KIF13A: variants seen among roughly 807,000 people sequenced by gnomAD.
KIF13A encodes the protein kinesin family member 13A.
A neutral mutation model predicts 212.2 loss-of-function variants in KIF13A; 79 were observed. The observed-to-expected ratio is 0.37, with a 90% CI of 0.31 to 0.45. KIF13A has a LOEUF of 0.45. Among genes scored for constraint, KIF13A ranks in the 20% least tolerant of loss-of-function variants. The probability of loss-of-function intolerance (pLI) is 1.00; values close to 1 mark genes in which losing one functional copy is unlikely to be tolerated. For missense variants in KIF13A, 1,901 were observed against 2,209.0 expected, an observed-to-expected ratio of 0.86 and a Z score of 2.79; for synonymous variants, 789 against 808.6, an observed-to-expected ratio of 0.98 and a Z score of 0.41.
intron 18 of KIF13A, among the ~76,000 whole-genome samples, chr6:17,807,054 A>C (rs1452327428): frequency 1.3e-5 from 2 of 152,184 alleles, no homozygotes; most frequent in Admixed American, 1.3e-4. Flanking sequence ...TATCTTTGTA[A>C]GCTGAAGATG....
chr6:17,945,533 T>C (rs1243542959), intron 2 of KIF13A, among the ~76,000 whole-genome samples: 1 of 152,076 alleles, frequency 6.6e-6, no homozygotes, highest in Non-Finnish European at 1.5e-5. Context: ...AAAAAAAAAT[T>C]TTAAGTACCC....
intron 17 of KIF13A, among the ~76,000 whole-genome samples, chr6:17,814,727 T>A (rs1763774720): frequency 6.6e-6 from 1 of 152,168 alleles, no homozygotes; most frequent in Admixed American, 6.5e-5. Context: ...ATACTGCTGC[T>A]GGGATGTTAA....
chr6:17,958,755 G>C (rs747196505), intron 2 of KIF13A, among the ~76,000 whole-genome samples: 1 of 151,332 alleles, frequency 6.6e-6, no homozygotes, highest in Non-Finnish European at 1.5e-5. Flanking sequence ...CTAATCCATT[G>C]TCAAGGTGTT....
chr6:17,931,207 C>T (rs746038630), intron 2 of KIF13A, among the ~76,000 whole-genome samples: 32 of 152,176 alleles, frequency 2.1e-4, no homozygotes, highest in African/African-American at 2.7e-4. Flanking sequence ...TCTAAGGTCA[C>T]GAGAGCTGGA....
At chr6:17,917,689 A>G (rs185912497) in intron 2 of KIF13A, among the ~76,000 whole-genome samples, 7 of 152,360 alleles carry the variant, frequency 4.6e-5, no homozygotes, top group Admixed American at 4.6e-4. Flanking sequence ...AGGGCCTTTA[A>G]TATATCCCCT....
chr6:17,887,385 A>T (rs1771644369), intron 3 of KIF13A, among the ~76,000 whole-genome samples: 1 of 152,224 alleles, frequency 6.6e-6, no homozygotes, highest in African/African-American at 2.4e-5. Context: ...TTCACACACA[A>T]GGCAGTTCCT....
chr6:17,986,837 T>C (rs2150657436), intron 2 of KIF13A, among the ~76,000 whole-genome samples: 1 of 152,152 alleles, frequency 6.6e-6, no homozygotes, highest in East Asian at 1.9e-4. Context: ...ACTGGTGCTG[T>C]GGCCAGGGTG....
At position 17,817,080 on chromosome 6, in the gene KIF13A, T is replaced by C. The variant is rs766587571; in HGVS notation, c.1940A>G (p.Asp647Gly). 6.2e-7 allele frequency: 1 copy of C among 1,613,632 alleles called. No homozygotes were observed. Residue 647 changes from aspartate (D) to glycine (G), a missense_variant, in exon 17 of 39, where the codon GAC (aspartate) becomes GGC (glycine). Physicochemically the swap from Asp to Gly is moderately conservative, Grantham distance 94. Transcript: ENST00000259711. The part of the protein sequence containing the change: ...PDRQPQSSGP[D>G]RLAYSSQTAQ... Reference sequence around the variant, plus strand: ...TGTCTGGCTGCTGTAGGCCAGGCGGTCAGGGCCGCTACTCTGTGGCTGCCT... The same window carrying C: ...TGTCTGGCTGCTGTAGGCCAGGCGGCCAGGGCCGCTACTCTGTGGCTGCCT...
At chr6:17,973,401 G>A (rs542943995) in intron 2 of KIF13A, among the ~76,000 whole-genome samples, 1 of 152,334 alleles carries the variant, frequency 6.6e-6, no homozygotes, top group East Asian at 1.9e-4. Flanking sequence ...TCATGCTGCT[G>A]CTTTATTTCA....
At chr6:17,762,154 C>T (rs1458869000), downstream of KIF13A, among the ~76,000 whole-genome samples, 2 of 152,030 alleles carry the variant, frequency 1.3e-5, no homozygotes, top group Admixed American at 6.6e-5. Flanking sequence ...ATCTTCCCGC[C>T]TCAGCCTCCA....
intron 2 of KIF13A, chr6:17,950,460 A>C (rs897881944): frequency 4.1e-5 from 40 of 983,290 alleles, no homozygotes; most frequent in Non-Finnish European, 4.7e-5. Flanking sequence ...TGTAATTATG[A>C]ATTTCACTGG....
At position 17,898,696 on chromosome 6, in the gene KIF13A, A is replaced by G. The variant is rs1446679575; in HGVS notation, c.147-516T>C. On this transcript the variant is annotated intron_variant, in intron 2 of 38. Transcript: ENST00000259711. The surrounding 1 kb of genome is among the most constrained non-coding windows in gnomAD (Gnocchi z 5.2). ...AAATAACTCATATTTTTTAACACTG[A>G]ATAGACATTTAAAAGCAAGTTTCCA... 6.6e-6 allele frequency among the ~76,000 whole-genome samples: 1 copy of G among 152,162 alleles called. No homozygotes were observed. Among genetic ancestry groups the G allele is most frequent in the Non-Finnish European group, 1.5e-5 (1 of 68,038 alleles).
intron 2 of KIF13A, among the ~76,000 whole-genome samples, chr6:17,976,033 A>C (rs926755417): frequency 1.3e-5 from 2 of 152,120 alleles, no homozygotes; most frequent in Non-Finnish European, 2.9e-5. Flanking sequence ...ACAAACCTTG[A>C]GCTAGATACA....
intron 2 of KIF13A, among the ~76,000 whole-genome samples, chr6:17,906,694 C>T (rs1773535416): frequency 6.6e-6 from 1 of 152,096 alleles, no homozygotes; most frequent in Non-Finnish European, 1.5e-5. Context: ...AAGCAATCCT[C>T]TTGCCTCAGC....
At chr6:17,788,879 C>A (rs554169745) in intron 26 of KIF13A, among the ~76,000 whole-genome samples, 1 of 152,178 alleles carries the variant, frequency 6.6e-6, no homozygotes, top group African/African-American at 2.4e-5. Flanking sequence ...CGCGCGCCAC[C>A]ACGCCCAGCT....
At position 17,849,348 on chromosome 6, in the gene KIF13A, C is replaced by T. The variant is rs1206076619; in HGVS notation, c.830+29G>A. 1 of 1,498,336 alleles carries T rather than the reference C, an allele frequency of 6.7e-7. No homozygotes were observed. Among genetic ancestry groups the T allele is most frequent in the South Asian group, 1.2e-5 (1 of 86,068 alleles). The allele number at this position is 1,498,336 out of a possible 1,614,324, so 92.8% of individuals were successfully genotyped here. Reference sequence around the variant, plus strand: ...CAAATCCCCTCCAGAAGGAAATCACCCAGGCTGTTCTGGGACCAGCCACCT... The same window carrying T: ...CAAATCCCCTCCAGAAGGAAATCACTCAGGCTGTTCTGGGACCAGCCACCT... On this transcript the variant is annotated intron_variant, in intron 9 of 38. Transcript: ENST00000259711. This position sits in a 1 kb window ranked among gnomAD's most constrained non-coding sequence, Gnocchi z 5.7.
rs1173763299 is a variant in KIF13A at position 17,979,154 on chromosome 6, G to A, written c.146+7900C>T. On this transcript the variant is annotated intron_variant, in intron 2 of 38. Transcript: ENST00000259711. Reference sequence around the variant, plus strand: ...CTAAAAATACAAAAATTAGCCAGGCGTGGTGGTGCACACCTGTAGTCCCAG... The same window carrying A: ...CTAAAAATACAAAAATTAGCCAGGCATGGTGGTGCACACCTGTAGTCCCAG... Among the ~76,000 whole-genome samples the A allele has an allele frequency of 3.3e-5, 5 of 152,150 alleles. 1 individual carries two copies. The highest frequency in any genetic ancestry group is 1.3e-4 in the Admixed American group (2 of 15,266).
intron 16 of KIF13A, among the ~76,000 whole-genome samples, chr6:17,824,567 G>T (rs1764772630): frequency 6.6e-6 from 1 of 151,996 alleles, no homozygotes; most frequent in South Asian, 2.1e-4. Context: ...AGACCAGCCT[G>T]CCTTAACACG....
At chr6:17,821,760 C>T (rs1222103109) in intron 16 of KIF13A, 1 of 1,534,564 alleles carries the variant, frequency 6.5e-7, no homozygotes, top group East Asian at 2.4e-5. Context: ...CAAGCTCCCT[C>T]ATGCCAATGC....
Sources: allele counts gnomAD v4.1 joint callset (sites outside exome capture counted in the v4.1 genomes callset), GRCh38; gene constraint gnomAD v4.1.1; non-coding constraint Gnocchi (gnomAD v3.1); transcripts MANE v1.5; gene names NCBI Gene and HGNC (gene_info 2026-07-23, HGNC 2026-07-21).